Variants in GLTP observed in about 807,000 individuals in gnomAD.
GLTP encodes the protein glycolipid transfer protein.
Under a neutral mutation model 24.0 loss-of-function variants are expected in GLTP, and 22 were observed. The ratio of observed to expected loss-of-function variants is 0.92; its 90% CI spans 0.65 to 1.31. The LOEUF (loss-of-function observed/expected upper bound fraction) is 1.31, where lower values mean the gene tolerates loss of function less well. GLTP is among the 50% of genes most tolerant of loss of function. GLTP has a pLI of 0.00. For synonymous variants in GLTP, 92 were observed against 115.9 expected, an observed-to-expected ratio of 0.79 and a Z score of 1.33; for missense variants, 224 against 276.6, an observed-to-expected ratio of 0.81 and a Z score of 1.35.
chr12:109,853,186 G>T (rs1030373027), intron 4 of GLTP, among the ~76,000 whole-genome samples: 5 of 152,096 alleles, frequency 3.3e-5, no homozygotes, highest in Non-Finnish European at 7.4e-5. Context: ...CTTCCCTCTG[G>T]GTTCCCTGCT....
At chr12:109,853,487 G>A (rs1892754313) in intron 4 of GLTP, among the ~76,000 whole-genome samples, 2 of 151,674 alleles carry the variant, frequency 1.3e-5, no homozygotes, top group Non-Finnish European at 2.9e-5. Flanking sequence ...TCAGGAGTTC[G>A]AGACCAGCCT....
chr12:109,876,188 C>A (rs1868873384), intron 1 of GLTP, among the ~76,000 whole-genome samples: 1 of 151,918 alleles, frequency 6.6e-6, no homozygotes, highest in Admixed American at 6.6e-5. Context: ...ACTAAAAATA[C>A]AGAAATTAGC....
At position 109,852,736 on chromosome 12, in the gene GLTP, G is replaced by A; in HGVS notation, c.449C>T (p.Ala150Val). The change falls in exon 5 of 5, where the codon GCA becomes GTA. Residue 150 changes from alanine to valine, a missense_variant and splice_region_variant. Physicochemically the swap from Ala to Val is moderately conservative, Grantham distance 64. Coordinates refer to ENST00000318348, the MANE Select transcript of GLTP (RefSeq NM_016433.4). ...HGWIVQKIFQ[A>V]ALYAAPYKSD... ...CTTATAGGGTGCTGCGTACAGTGCT[G>A]CCTTGAGACAGGCAAGAAGGGAGGT... is the stretch of plus-strand genomic sequence containing the variant. 2 of 1,607,640 alleles carry A rather than the reference G, an allele frequency of 1.2e-6. No individual in the cohort carries two copies. Among genetic ancestry groups the A allele is most frequent in the Non-Finnish European group, 8.5e-7 (1 of 1,174,678 alleles).
intron 4 of GLTP, among the ~76,000 whole-genome samples, chr12:109,853,431 C>T (rs1255798282): frequency 6.6e-6 from 1 of 152,022 alleles, no homozygotes; most frequent in African/African-American, 2.4e-5. Context: ...TGGCTCATGC[C>T]TGTAATCCCA....
chr12:109,870,637 GAGGA>G (rs1023755451), intron 1 of GLTP, among the ~76,000 whole-genome samples: 2 of 152,128 alleles, frequency 1.3e-5, no homozygotes, highest in Non-Finnish European at 2.9e-5. Flanking sequence ...AGCAGAAGGA[GAGGA>G]AGGAAGGGAG....
intron 1 of GLTP, among the ~76,000 whole-genome samples, chr12:109,872,908 C>T (rs1868768169): frequency 6.6e-6 from 1 of 152,228 alleles, no homozygotes; most frequent in South Asian, 2.1e-4. Flanking sequence ...GGATATTCTT[C>T]ACCAACCTTG....
chr12:109,872,504 C>T (rs944172654), intron 1 of GLTP, among the ~76,000 whole-genome samples: 1 of 152,178 alleles, frequency 6.6e-6, no homozygotes, highest in Non-Finnish European at 1.5e-5. Context: ...AAACAGCCGA[C>T]TCATGGGCTG....
At chr12:109,868,373 G>A (rs1432782883) in intron 1 of GLTP, among the ~76,000 whole-genome samples, 2 of 152,140 alleles carry the variant, frequency 1.3e-5, no homozygotes, top group Non-Finnish European at 2.9e-5. Flanking sequence ...CTCTTAGCAA[G>A]ACCACAGCAT....
At position 109,858,684 on chromosome 12, in the gene GLTP, G is replaced by A. The variant is rs1282104948; in HGVS notation, c.161C>T (p.Thr54Met). 13 of 1,611,310 alleles carry A rather than the reference G, an allele frequency of 8.1e-6. No homozygotes were observed. The highest frequency in any genetic ancestry group is 4.0e-5 in the African/African-American group (3 of 74,890). Residue 54 changes from threonine to methionine, a missense_variant and splice_region_variant, in exon 2 of 5, where the codon ACG (threonine) becomes ATG (methionine). Thr to Met is a moderately conservative substitution (Grantham distance 81). Transcript: ENST00000318348. ...PIKADISGNITKIKAVYDTNP... is the reference protein window; with the variant it reads ...PIKADISGNIMKIKAVYDTNP... ...GTGGCTGCCCGGCCAGGTACATACC[G>A]TGATGTTGCCGCTTATGTCTGCCTT...
chr12:109,870,369 G>A (rs558459476), intron 1 of GLTP, among the ~76,000 whole-genome samples: 6 of 152,128 alleles, frequency 3.9e-5, no homozygotes, highest in African/African-American at 1.4e-4. Context: ...GGGAGGCTGA[G>A]GTAAGATAAT....
chr12:109,858,218 C>G (rs1367932115), intron 2 of GLTP: 1 of 457,294 alleles, frequency 2.2e-6, no homozygotes, highest in Non-Finnish European at 4.4e-6. Context: ...TAACACAGGA[C>G]CAGCCTCAAA....
At chr12:109,873,493 G>T (rs1338572574) in intron 1 of GLTP, among the ~76,000 whole-genome samples, 2 of 152,104 alleles carry the variant, frequency 1.3e-5, no homozygotes, top group African/African-American at 2.4e-5. Context: ...AATTAGCCGG[G>T]CATGGTGGTG....
intron 3 of GLTP, among the ~76,000 whole-genome samples, chr12:109,856,508 G>A (rs2136042896): frequency 6.6e-6 from 1 of 152,228 alleles, no homozygotes; most frequent in Admixed American, 6.5e-5. Context: ...CCCCTAGAAA[G>A]GCTCAGTCAC....
rs1346153989 is a variant in GLTP, at chr12:109,880,326, G to C, written c.49C>G (p.Gln17Glu). Residue 17 changes from glutamine (Q) to glutamate (E), a missense_variant, in exon 1 of 5, where the codon CAG (glutamine) becomes GAG (glutamate). By Grantham distance (29) the Gln-to-Glu change is conservative. Transcript: ENST00000318348. The surrounding 1 kb of genome is among the most constrained non-coding windows in gnomAD (Gnocchi z 5.1). Reference protein sequence around the residue: ...HLLKPLPADKQIETGPFLEAV... With the variant: ...HLLKPLPADKEIETGPFLEAV... ...TCGAGGAAGGGCCCGGTCTCGATCT[G>C]CTTGTCCGCGGGCAGCGGCTTCAGC... 1 of 1,605,022 alleles carries C rather than the reference G, an allele frequency of 6.2e-7. No homozygotes were observed. Among genetic ancestry groups the C allele is most frequent in the Non-Finnish European group, 8.5e-7 (1 of 1,177,488 alleles).
chr12:109,880,338 G>A lies in GLTP; in HGVS notation c.37C>T (p.Pro13Ser), dbSNP rs1208085036. 1.2e-6 allele frequency: 2 copies of A among 1,602,550 alleles called. No individual in the cohort carries two copies. The highest frequency in any genetic ancestry group is 2.3e-5 in the East Asian group (1 of 43,674). Residue 13 changes from proline to serine, a missense_variant, in exon 1 of 5, where the codon CCC becomes TCC. Transcript: ENST00000318348. This position sits in a 1 kb window ranked among gnomAD's most constrained non-coding sequence, Gnocchi z 5.1. Reference protein sequence around the residue: ...LLAEHLLKPLPADKQIETGPF... With the variant: ...LLAEHLLKPLSADKQIETGPF... The stretch of plus-strand genomic sequence containing the variant: ...CCGGTCTCGATCTGCTTGTCCGCGG[G>A]CAGCGGCTTCAGCAAGTGTTCGGCC...
intron 1 of GLTP, among the ~76,000 whole-genome samples, chr12:109,862,118 C>T (rs1236386536): frequency 6.6e-6 from 1 of 152,176 alleles, no homozygotes; most frequent in African/African-American, 2.4e-5. Flanking sequence ...AGGGGCCATG[C>T]TGGAGCCTTC....
chr12:109,866,598 A>G (rs1246644869), intron 1 of GLTP: 1 of 152,200 alleles, frequency 6.6e-6, no homozygotes, highest in Non-Finnish European at 1.5e-5. Flanking sequence ...CTGCTTTCAT[A>G]GTGGAAGCCA....
intron 1 of GLTP, among the ~76,000 whole-genome samples, chr12:109,864,185 G>A (rs1322343090): frequency 6.6e-6 from 1 of 152,130 alleles, no homozygotes; most frequent in African/African-American, 2.4e-5. Context: ...AGAAGAGAGG[G>A]GAGGCGAGGC....
intron 4 of GLTP, among the ~76,000 whole-genome samples, chr12:109,854,037 G>A (rs558541574): frequency 1.3e-5 from 2 of 148,516 alleles, no homozygotes; most frequent in South Asian, 2.4e-4. Context: ...GAGCCACCGC[G>A]CCTGGCCAAA....
Sources: gnomAD v4.1 joint callset for allele counts (sites outside exome capture counted in the v4.1 genomes callset) on GRCh38, gnomAD v4.1.1 for gene constraint, Gnocchi (gnomAD v3.1) non-coding constraint, MANE v1.5 for transcripts, NCBI Gene and HGNC (gene_info 2026-07-23, HGNC 2026-07-21) for gene names.